ITPKC: variants seen among roughly 807,000 people sequenced by gnomAD.
ITPKC encodes IP3 3-kinase C.
ITPKC carries 33 observed loss-of-function variants against 67.1 expected under a neutral mutation model. The ratio of observed to expected loss-of-function variants is 0.49; its 90% CI spans 0.37 to 0.66. The LOEUF (loss-of-function observed/expected upper bound fraction) is 0.66. Ranked by LOEUF, ITPKC falls within the 30% of genes least tolerant of loss-of-function variation. The pLI is 0.00. For synonymous variants in ITPKC, 341 were observed against 359.8 expected (o/e 0.95, Z 0.59); for missense variants, 820 against 892.1 (o/e 0.92, Z 1.03).
At chr19:40,727,482 A>G (rs1409884341) in intron 2 of ITPKC, among the ~76,000 whole-genome samples, 1 of 152,220 alleles carries the variant, frequency 6.6e-6, no homozygotes, top group Non-Finnish European at 1.5e-5. Context: ...CAATTCAGAC[A>G]GGATGGCAGG....
intron 1 of ITPKC, among the ~76,000 whole-genome samples, chr19:40,720,140 G>C (rs1357372645): frequency 6.6e-6 from 1 of 151,734 alleles, no homozygotes; most frequent in Non-Finnish European, 1.5e-5. Context: ...CCGAGGCAGG[G>C]GGATCACCTA....
intron 3 of ITPKC, among the ~76,000 whole-genome samples, chr19:40,732,601 A>G (rs904058398): frequency 1.3e-5 from 2 of 151,754 alleles, no homozygotes; most frequent in African/African-American, 4.8e-5. Context: ...AGGGAAACCA[A>G]TATACATTGT....
In ITPKC at chr19:40,739,349, C is replaced by T. The variant is rs775973179; in HGVS notation, c.1849-8C>T. Reference sequence around the variant, plus strand: ...TCCTCCCTTAACCTCCCGTCTCTACCCCGGCAGGTGGTAGGCAGCTCCCTC... The same window carrying T: ...TCCTCCCTTAACCTCCCGTCTCTACTCCGGCAGGTGGTAGGCAGCTCCCTC... On this transcript the variant is annotated splice_polypyrimidine_tract_variant and splice_region_variant and intron_variant, in intron 6 of 6. Transcript: ENST00000263370. The T allele has an allele frequency of 6.2e-7, 1 of 1,611,796 alleles. No homozygotes were observed. The highest frequency in any genetic ancestry group is 8.5e-7 in the Non-Finnish European group (1 of 1,178,568).
At chr19:40,722,020 A>C (rs528171587) in intron 1 of ITPKC, among the ~76,000 whole-genome samples, 8 of 151,492 alleles carry the variant, frequency 5.3e-5, no homozygotes, top group East Asian at 3.9e-4. Flanking sequence ...AAAAATTACT[A>C]TTAAAAAAAT....
Position 40,740,684 on chromosome 19 carries a change from T to G in ITPKC, c.*1124T>G, listed in dbSNP as rs2082325091. ...ACCTACCTCTTCCTTAAGCTGAAGC[T>G]CCCACACTGTCTTCCAGGGCTGAGG... On this transcript the variant is annotated 3_prime_UTR_variant, in exon 7 of 7. Transcript: ENST00000263370. 9.2e-6 allele frequency: 3 copies of G among 327,602 alleles called. No homozygotes were observed. The Admixed American group carries it at 1.5e-4, about 16-fold the overall frequency. 20.3% of individuals were successfully genotyped at this position (327,602 alleles called of 1,614,324 possible). A position where few individuals can be genotyped will look rare whatever the true frequency, so the allele number is the denominator to read the frequency against.
intron 3 of ITPKC, among the ~76,000 whole-genome samples, chr19:40,729,733 C>T (rs1054504524): frequency 3.3e-5 from 5 of 151,984 alleles, no homozygotes; most frequent in African/African-American, 1.2e-4. Context: ...AGCCATTGCA[C>T]TCCAGCCTGG....
chr19:40,728,741 T>C (rs1427704101), intron 2 of ITPKC, among the ~76,000 whole-genome samples: 1 of 152,114 alleles, frequency 6.6e-6, no homozygotes, highest in Non-Finnish European at 1.5e-5. Context: ...CTTTTAAGAG[T>C]TGCGGCCTGG....
intron 6 of ITPKC, among the ~76,000 whole-genome samples, chr19:40,738,246 G>A (rs1339522309): frequency 1.3e-5 from 2 of 152,154 alleles, no homozygotes. Context: ...GGCTAACACA[G>A]TGAAACCCCG....
chr19:40,735,199 G>C (rs1341473908), intron 4 of ITPKC, among the ~76,000 whole-genome samples: 1 of 152,166 alleles, frequency 6.6e-6, no homozygotes, highest in Admixed American at 6.6e-5. Context: ...GATTATAGGC[G>C]TGAGCCACCA....
chr19:40,717,412 G>A lies in ITPKC; in HGVS notation c.277G>A (p.Gly93Arg). Residue 93 changes from glycine to arginine, a missense_variant, in exon 1 of 7, where the codon GGA becomes AGA. Coordinates refer to ENST00000263370, the MANE Select transcript of ITPKC (RefSeq NM_025194.3). ...TCCGCAGGCAGAATTCTGGACAGAC[G>A]GACAGACTGAGCCCGCGGCAGCTGG... ...ESPQAEFWTD[G>R]QTEPAAAGLG... is the part of the protein sequence containing the mutation. The A allele has an allele frequency of 1.2e-6, 2 of 1,613,728 alleles. No homozygotes were observed. Among genetic ancestry groups the A allele is most frequent in the Non-Finnish European group, 8.5e-7 (1 of 1,179,978 alleles).
intron 1 of ITPKC, among the ~76,000 whole-genome samples, chr19:40,721,107 T>C (rs1599647612): frequency 6.6e-6 from 1 of 151,914 alleles, no homozygotes; most frequent in East Asian, 1.9e-4. Flanking sequence ...GCCCCTACCA[T>C]GTATTTGGTC....
At chr19:40,737,276 G>T (rs750729572) in intron 5 of ITPKC, among the ~76,000 whole-genome samples, 189 bp downstream of exon 5, 1 of 152,208 alleles carries the variant, frequency 6.6e-6, no homozygotes, top group Non-Finnish European at 1.5e-5. Flanking sequence ...AGCTCTGCCG[G>T]TTGGCTCATG....
Position 40,726,391 on chromosome 19 carries a change from T to G in ITPKC, c.1255+952T>G, listed in dbSNP as rs1211232284. 2.6e-5 allele frequency among the ~76,000 whole-genome samples: 4 copies of G among 152,138 alleles called. No homozygotes were observed. The East Asian group carries it at 7.7e-4, about 29-fold the overall frequency. On this transcript the variant is annotated intron_variant, in intron 2 of 6. Transcript: ENST00000263370. The stretch of plus-strand genomic sequence containing the variant: ...CCTTGCAAATGCCTGCAGCACAGAG[T>G]AGCACAATGGTGGCATATAGTGCTC...
intron 1 of ITPKC, among the ~76,000 whole-genome samples, chr19:40,719,405 A>G (rs758051292): frequency 1.8e-4 from 27 of 151,908 alleles, no homozygotes; most frequent in Non-Finnish European, 2.9e-4. Flanking sequence ...AACAACAACA[A>G]TTAGCACTCA....
At chr19:40,723,388 C>T (rs1263712313) in intron 1 of ITPKC, among the ~76,000 whole-genome samples, 2 of 152,190 alleles carry the variant, frequency 1.3e-5, no homozygotes, top group African/African-American at 2.4e-5. Context: ...GCCATCGTAC[C>T]CGCTGCTTTT....
intron 4 of ITPKC, 99 bp from the exon 5 acceptor site, chr19:40,736,887 C>A: frequency 1.4e-6 from 1 of 709,544 alleles, no homozygotes; most frequent in Non-Finnish European, 2.5e-6. Context: ...CTGGTCTTGG[C>A]CACCGCGCCC....
At chr19:40,724,437 G>A (rs901428257) in intron 1 of ITPKC, among the ~76,000 whole-genome samples, 2 of 152,124 alleles carry the variant, frequency 1.3e-5, no homozygotes, top group African/African-American at 4.8e-5. Context: ...AGTTCAGGAG[G>A]GCAGGGACAT....
At chr19:40,727,530 G>C (rs1184820594) in intron 2 of ITPKC, among the ~76,000 whole-genome samples, 1 of 152,172 alleles carries the variant, frequency 6.6e-6, no homozygotes, top group East Asian at 1.9e-4. Flanking sequence ...TGGGAACTCA[G>C]CTAGGGACAC....
intron 1 of ITPKC, 71 bp downstream of exon 1, chr19:40,718,361 A>C: frequency 6.8e-7 from 1 of 1,474,070 alleles, no homozygotes; most frequent in Non-Finnish European, 8.9e-7. Context: ...TTGCTTAGGA[A>C]GTTCTCTACC....
Sources: allele counts gnomAD v4.1 joint callset (sites outside exome capture counted in the v4.1 genomes callset), GRCh38; gene constraint gnomAD v4.1.1; transcripts MANE v1.5; gene names NCBI Gene and HGNC (gene_info 2026-07-23, HGNC 2026-07-21).